Variants in ROPN1L observed in about 807,000 individuals in gnomAD.
The protein encoded by ROPN1L is ropporin-1-like protein.
Under a neutral mutation model 22.7 loss-of-function variants are expected in ROPN1L, and 23 were observed. The ratio of observed to expected loss-of-function variants is 1.01; its 90% confidence interval spans 0.73 to 1.43. The LOEUF (loss-of-function observed/expected upper bound fraction) is 1.43. ROPN1L is among the 40% of genes most tolerant of loss of function. ROPN1L has a pLI of 0.00. For missense variants in ROPN1L, 271 were observed against 291.5 expected, an observed-to-expected ratio of 0.93 and a Z score of 0.51; for synonymous variants, 116 against 117.8, an observed-to-expected ratio of 0.98 and a Z score of 0.10.
At chr5:10,458,676 GTCCCCACCATGTACACCA>G (rs1293433925) in intron 3 of ROPN1L, among the ~76,000 whole-genome samples, 1 of 22,900 alleles carries the variant, frequency 4.4e-5, no homozygotes, top group Non-Finnish European at 7.8e-5. Context: ...CATGTACACC[GTCCCCACCATGTACACCA>G]TCCCCCCGTG....
chr5:10,482,256 A>C, the ROPN1L span: 3 of 151,902 alleles, frequency 2.0e-5, no homozygotes, highest in Admixed American at 2.0e-4. Flanking sequence ...AAAATGCTAC[A>C]CTTTCTTATC....
At chr5:10,474,021 G>A (rs560443351), downstream of ROPN1L, among the ~76,000 whole-genome samples, 15 of 152,128 alleles carry the variant, frequency 9.9e-5, no homozygotes, top group Admixed American at 4.6e-4. Flanking sequence ...GCGTGGTGGC[G>A]CACACCTGTG....
In ROPN1L at chr5:10,454,685, C is replaced by T. The variant is rs1236853526; in HGVS notation, c.417+4572C>T. ...AGAAGCATCATTCTTCGTTTACAAC[C>T]ACAGATGCACACGTGTCTAACGCAG... is the stretch of plus-strand genomic sequence containing the variant. On this transcript the variant is annotated intron_variant, in intron 3 of 4. Coordinates refer to ENST00000274134, the MANE Select transcript of ROPN1L (RefSeq NM_031916.5). Among the ~76,000 whole-genome samples the T allele has an allele frequency of 2.0e-5, 3 of 152,324 alleles. No homozygotes were observed. The South Asian group carries it at 6.2e-4, about 32-fold the overall frequency.
intron 3 of ROPN1L, among the ~76,000 whole-genome samples, chr5:10,451,247 A>G (rs1321120391): frequency 6.6e-6 from 1 of 152,202 alleles, no homozygotes; most frequent in Non-Finnish European, 1.5e-5. Context: ...TCATTAAAAC[A>G]AATTACTTGA....
the ROPN1L span, among the ~76,000 whole-genome samples, chr5:10,481,701 C>T: frequency 1.3e-5 from 2 of 152,166 alleles, no homozygotes; most frequent in African/African-American, 4.8e-5. Context: ...ACGTGGGGGG[C>T]CCAGGTGGAT....
chr5:10,456,587 A>G (rs899509900), intron 3 of ROPN1L, among the ~76,000 whole-genome samples: 1 of 152,230 alleles, frequency 6.6e-6, no homozygotes, highest in Non-Finnish European at 1.5e-5. Flanking sequence ...AGACGGCAGC[A>G]TGGGGCAGCC....
chr5:10,465,530 C>A (rs1468322269), downstream of ROPN1L, among the ~76,000 whole-genome samples: 15 of 143,794 alleles, frequency 1.0e-4, no homozygotes, highest in East Asian at 5.0e-4. Context: ...AAAACAAAAA[C>A]AAAAACACAA....
At chr5:10,457,889 C>T (rs573521443) in intron 3 of ROPN1L, among the ~76,000 whole-genome samples, 3 of 152,206 alleles carry the variant, frequency 2.0e-5, no homozygotes, top group Admixed American at 1.3e-4. Flanking sequence ...TTCATCCCTG[C>T]AGGCGATTCC....
downstream of ROPN1L, among the ~76,000 whole-genome samples, chr5:10,472,529 G>A (rs936223553): frequency 3.3e-5 from 5 of 152,150 alleles, no homozygotes; most frequent in African/African-American, 9.7e-5. Flanking sequence ...AAGCTTATTA[G>A]GATATGGGTC....
rs1427981422 is a variant in ROPN1L, at chr5:10,442,259, T to C, written c.92T>C (p.Ile31Thr). 6 of 1,613,694 alleles carry C rather than the reference T, an allele frequency of 3.7e-6. No individual in the cohort carries two copies. The highest frequency in any genetic ancestry group is 5.1e-6 in the Non-Finnish European group (6 of 1,179,888). ...CTGAAGCAATTCACCAAGGCTGCCA[T>C]CCGCACCCAGCCGGCCGACGTGCTG... ...DILKQFTKAA[I>T]RTQPADVLRW... Residue 31 changes from isoleucine to threonine, a missense_variant, in exon 1 of 5, where the codon ATC becomes ACC. Coordinates refer to ENST00000274134, the MANE Select transcript of ROPN1L (RefSeq NM_031916.5).
At chr5:10,469,320 T>TAAA (rs35356895), downstream of ROPN1L, among the ~76,000 whole-genome samples, 11 of 139,588 alleles carry the variant, frequency 7.9e-5, no homozygotes, top group African/African-American at 2.7e-4. Flanking sequence ...ACAAAAAAAT[T>TAAA]AAAAAAAAAA....
downstream of ROPN1L, among the ~76,000 whole-genome samples, chr5:10,467,618 C>T (rs1040193881): frequency 6.6e-6 from 1 of 152,198 alleles, no homozygotes; most frequent in Admixed American, 6.5e-5. Context: ...CTCAGTAAAT[C>T]TGCGCTTCAC....
At chr5:10,479,833 C>G in the ROPN1L span, among the ~76,000 whole-genome samples, 65 of 152,156 alleles carry the variant, frequency 4.3e-4, no homozygotes, top group African/African-American at 1.5e-3. Context: ...CAACCTCTGC[C>G]TCCTGAATTC....
At chr5:10,454,858 C>T (rs1741367158) in intron 3 of ROPN1L, among the ~76,000 whole-genome samples, 2 of 152,140 alleles carry the variant, frequency 1.3e-5, no homozygotes, top group South Asian at 4.1e-4. Flanking sequence ...GGCTGGTGCC[C>T]CAAGGCAGAG....
intron 4 of ROPN1L, among the ~76,000 whole-genome samples, chr5:10,470,033 G>A (rs1735220263): frequency 6.6e-6 from 1 of 152,166 alleles, no homozygotes; most frequent in Non-Finnish European, 1.5e-5. Context: ...AGATTTTTAT[G>A]TATACTAAAT....
downstream of ROPN1L, among the ~76,000 whole-genome samples, chr5:10,473,708 T>A (rs543088214): frequency 2.0e-5 from 3 of 152,292 alleles, no homozygotes; most frequent in African/African-American, 7.2e-5. Context: ...TGGGTTTGGT[T>A]TTCTTTTGAT....
intron 4 of ROPN1L, among the ~76,000 whole-genome samples, chr5:10,463,880 C>T (rs1037959352): frequency 6.6e-6 from 1 of 152,192 alleles, no homozygotes; most frequent in African/African-American, 2.4e-5. Flanking sequence ...ACAGCACACA[C>T]CCCTGCTCGC....
chr5:10,445,159 C>T (rs377141650), intron 1 of ROPN1L, among the ~76,000 whole-genome samples: 19 of 151,724 alleles, frequency 1.3e-4, no homozygotes, highest in African/African-American at 3.9e-4. Context: ...TTAGTAGAGA[C>T]GGGGGTTTCA....
At chr5:10,451,183 C>T (rs936646092) in intron 3 of ROPN1L, among the ~76,000 whole-genome samples, 15 of 152,230 alleles carry the variant, frequency 9.9e-5, no homozygotes, top group African/African-American at 3.6e-4. Flanking sequence ...CTGGTCCTTG[C>T]TTCACAGCCC....
Sources: allele counts gnomAD v4.1 joint callset (sites outside exome capture counted in the v4.1 genomes callset), GRCh38; gene constraint gnomAD v4.1.1; transcripts MANE v1.5; gene names NCBI Gene and HGNC (gene_info 2026-07-23, HGNC 2026-07-21).